Variants in CAMTA1 observed in about 807,000 individuals in gnomAD.
CAMTA1 encodes the protein calmodulin binding transcription activator 1.
Under a neutral mutation model 170.9 loss-of-function variants are expected in CAMTA1, and 27 were observed. That is an observed-to-expected ratio of 0.16 (90% confidence interval 0.12 to 0.22). CAMTA1 has a LOEUF of 0.22. CAMTA1 is among the 10% of genes least tolerant of loss of function. The probability of loss-of-function intolerance (pLI) is 1.00; values close to 1 mark genes in which losing one functional copy is unlikely to be tolerated. For missense variants in CAMTA1, 1,619 were observed against 2,217.2 expected (o/e 0.73, Z 5.42); for synonymous variants, 833 against 891.5 (o/e 0.93, Z 1.17).
chr1:7,744,638 T>C (rs2096844472), intron 16 of CAMTA1, among the ~76,000 whole-genome samples, 197 bp from the exon 17 acceptor site: 1 of 152,170 alleles, frequency 6.6e-6, no homozygotes, highest in Admixed American at 6.5e-5. Context: ...TTGGAGATAA[T>C]CAGGTCTCAG....
chr1:7,626,731 C>T lies in CAMTA1; in HGVS notation c.511-13669C>T, dbSNP rs114595490. On this transcript the variant is annotated intron_variant, in intron 6 of 22. Transcript: ENST00000303635. ...TACCTGTCTGCTGCGTGACGTTCAA[C>T]TCAGAGTCTCTCTTGCTTCAGTTTT... 7.2e-3 allele frequency among the ~76,000 whole-genome samples: 1,099 copies of T among 152,326 alleles called. 13 individuals are homozygous for T. Among genetic ancestry groups the T allele is most frequent in the African/African-American group, 0.025 (1,060 of 41,570 alleles).
At chr1:7,292,571 C>A (rs1271449171) in intron 5 of CAMTA1, among the ~76,000 whole-genome samples, 1 of 152,106 alleles carries the variant, frequency 6.6e-6, no homozygotes, top group African/African-American at 2.4e-5. Context: ...AATGTGAGCC[C>A]AGATGCTGAA....
chr1:7,161,559 A>C (rs1461188902), intron 4 of CAMTA1, among the ~76,000 whole-genome samples: 3 of 151,910 alleles, frequency 2.0e-5, no homozygotes, highest in Admixed American at 1.3e-4. Flanking sequence ...GGATGGTTTT[A>C]AAAACAAGAG....
chr1:7,701,332 C>T (rs749308362), intron 11 of CAMTA1, among the ~76,000 whole-genome samples: 17 of 152,192 alleles, frequency 1.1e-4, no homozygotes, highest in Admixed American at 3.9e-4. Flanking sequence ...CCTTCTTCCT[C>T]CTCTGCAACA....
At chr1:7,529,169 G>A (rs1159615837) in intron 6 of CAMTA1, among the ~76,000 whole-genome samples, 1 of 152,218 alleles carries the variant, frequency 6.6e-6, no homozygotes, top group African/African-American at 2.4e-5. Flanking sequence ...GGTCAGGACA[G>A]CCTACAGAAG....
At chr1:7,475,985 C>T (rs865856801) in intron 6 of CAMTA1, among the ~76,000 whole-genome samples, 1 of 147,640 alleles carries the variant, frequency 6.8e-6, no homozygotes, top group Non-Finnish European at 1.5e-5. Context: ...GCTGGCCTCA[C>T]AGGGACCAGT....
At chr1:7,728,345 A>G (rs1211419597) in intron 11 of CAMTA1, among the ~76,000 whole-genome samples, 23 of 152,240 alleles carry the variant, frequency 1.5e-4, no homozygotes, top group Admixed American at 1.5e-3. Context: ...CTGCAGCACA[A>G]AGCCACCTCC....
chr1:7,763,711 A>C (rs892301238), intron 22 of CAMTA1, among the ~76,000 whole-genome samples: 3 of 152,222 alleles, frequency 2.0e-5, no homozygotes, highest in African/African-American at 7.2e-5. Flanking sequence ...CTGGCTTATA[A>C]TTCACTCTCC....
chr1:7,370,019 G>T (rs931360130), intron 5 of CAMTA1: 6 of 152,304 alleles, frequency 3.9e-5, no homozygotes, highest in Admixed American at 2.0e-4. Flanking sequence ...CACTGGTGAC[G>T]TGGGTCCCTG....
At chr1:6,984,471 G>A (rs769915166) in intron 3 of CAMTA1, among the ~76,000 whole-genome samples, 11 of 152,072 alleles carry the variant, frequency 7.2e-5, no homozygotes, top group Non-Finnish European at 1.5e-4. Context: ...AATTAGCCAG[G>A]TGTGGGGTGG....
intron 5 of CAMTA1, among the ~76,000 whole-genome samples, chr1:7,324,806 C>CA (rs35937100): frequency 0.57 from 72,838 of 128,256 alleles, 21,273 homozygotes; most frequent in East Asian, 0.79. Flanking sequence ...GACTCCATCT[C>CA]AAAAAAAAAA....
chr1:6,810,797 C>G (rs1017782013), intron 1 of CAMTA1, among the ~76,000 whole-genome samples: 4 of 151,706 alleles, frequency 2.6e-5, no homozygotes, highest in Non-Finnish European at 5.9e-5. Flanking sequence ...GAGCGAGACT[C>G]CGTTTCAAAA....
rs1208553937 is a variant in CAMTA1 at position 7,685,856 on chromosome 1, C to T, written c.2914+8123C>T. ...ACAAATGGCCGTTCTTTCTGTTTTCCCCAACCTACCTCTCTGATAACATTC... is the reference window on the plus strand; with the variant it reads ...ACAAATGGCCGTTCTTTCTGTTTTCTCCAACCTACCTCTCTGATAACATTC... On this transcript the variant is annotated intron_variant, in intron 11 of 22. Transcript: ENST00000303635. This position sits in a 1 kb window ranked among gnomAD's most constrained non-coding sequence, Gnocchi z 5.7. 1.3e-5 allele frequency among the ~76,000 whole-genome samples: 2 copies of T among 152,134 alleles called. No individual in the cohort carries two copies. Among genetic ancestry groups the T allele is most frequent in the African/African-American group, 2.4e-5 (1 of 41,414 alleles).
At chr1:7,675,148 AG>A (rs2096103583) in intron 10 of CAMTA1, among the ~76,000 whole-genome samples, 1 of 152,284 alleles carries the variant, frequency 6.6e-6, no homozygotes, top group East Asian at 1.9e-4. Context: ...AAGTGGGAGA[AG>A]CATCCAGGCC....
chr1:7,628,447 T>G (rs1371178158), intron 6 of CAMTA1, among the ~76,000 whole-genome samples: 1 of 152,222 alleles, frequency 6.6e-6, no homozygotes, highest in African/African-American at 2.4e-5. Flanking sequence ...TTGGAAACTC[T>G]TATCAAAAGA....
chr1:7,225,440 CA>C (rs1661529131), intron 4 of CAMTA1, among the ~76,000 whole-genome samples: 1 of 152,150 alleles, frequency 6.6e-6, no homozygotes, highest in African/African-American at 2.4e-5. Context: ...CCCTCCCCAC[CA>C]ACAATATCCT....
intron 19 of CAMTA1, chr1:7,750,953 AG>A: frequency 1.5e-6 from 1 of 646,612 alleles, no homozygotes; most frequent in Non-Finnish European, 2.8e-6. Flanking sequence ...AAGAAGGGCA[AG>A]ATATTTTGAT....
At chr1:6,945,401 T>C (rs1430944902) in intron 3 of CAMTA1, among the ~76,000 whole-genome samples, 3 of 152,072 alleles carry the variant, frequency 2.0e-5, no homozygotes, top group Non-Finnish European at 4.4e-5. Context: ...CAGGCTGGAG[T>C]GCAGTGGTAC....
intron 3 of CAMTA1, among the ~76,000 whole-genome samples, chr1:7,059,347 G>T (rs1185193766): frequency 6.6e-6 from 1 of 152,226 alleles, no homozygotes; most frequent in East Asian, 1.9e-4. Context: ...GCGGGGCATG[G>T]TGGCTCACGC....
Sources: gnomAD v4.1 joint callset for allele counts (sites outside exome capture counted in the v4.1 genomes callset) on GRCh38, gnomAD v4.1.1 for gene constraint, Gnocchi (gnomAD v3.1) non-coding constraint, MANE v1.5 for transcripts, NCBI Gene and HGNC (gene_info 2026-07-23, HGNC 2026-07-21) for gene names.